RALGPS2: variants seen among roughly 807,000 people sequenced by gnomAD.
RALGPS2 encodes Ral GEF with PH domain and SH3 binding motif 2.
In RALGPS2, 43 loss-of-function variants were observed where a neutral mutation model predicts 86.8. The observed-to-expected ratio is 0.50, with a 90% CI of 0.39 to 0.64. The LOEUF (loss-of-function observed/expected upper bound fraction) is 0.64, where lower values mean the gene tolerates loss of function less well. Ranked by LOEUF, RALGPS2 falls within the 30% of genes least tolerant of loss-of-function variation. RALGPS2 has a pLI of 0.00. For missense variants in RALGPS2, 536 were observed against 694.6 expected, an observed-to-expected ratio of 0.77 and a Z score of 2.57; for synonymous variants, 243 against 231.3, an observed-to-expected ratio of 1.05 and a Z score of -0.46.
chr1:178,781,470 A>G (rs545861627), intron 2 of RALGPS2, among the ~76,000 whole-genome samples: 1 of 152,298 alleles, frequency 6.6e-6, no homozygotes, highest in East Asian at 1.9e-4. Flanking sequence ...TTTTTGAGTC[A>G]TGCCTTGAAT....
chr1:178,817,547 A>G (rs1655292454), intron 6 of RALGPS2, among the ~76,000 whole-genome samples: 1 of 152,024 alleles, frequency 6.6e-6, no homozygotes, highest in Admixed American at 6.6e-5. Context: ...AAGCCTTGCA[A>G]TCTGATAGTG....
At chr1:178,859,942 C>T (rs566785531) in intron 8 of RALGPS2, among the ~76,000 whole-genome samples, 2 of 151,690 alleles carry the variant, frequency 1.3e-5, no homozygotes, top group Admixed American at 1.3e-4. Flanking sequence ...TGGTCTCGAT[C>T]TCCTGACCTC....
intron 1 of RALGPS2, among the ~76,000 whole-genome samples, chr1:178,768,529 T>TA (rs1318729751): frequency 1.3e-5 from 2 of 152,218 alleles, no homozygotes; most frequent in Admixed American, 6.5e-5. Flanking sequence ...AGATGGCGCT[T>TA]ACGGGTAAGA....
intron 4 of RALGPS2, among the ~76,000 whole-genome samples, chr1:178,798,942 G>A (rs540937434): frequency 6.6e-6 from 1 of 152,302 alleles, no homozygotes; most frequent in Admixed American, 6.5e-5. Flanking sequence ...CAGGATAACA[G>A]GAGAAGCAGC....
At chr1:178,814,647 A>C (rs1223174350) in intron 6 of RALGPS2, among the ~76,000 whole-genome samples, 9 of 152,224 alleles carry the variant, frequency 5.9e-5, no homozygotes, top group African/African-American at 1.7e-4. Flanking sequence ...ACAAGGTCTC[A>C]TTATGTTGCC....
In RALGPS2 at chr1:178,919,458, G is replaced by C. The variant is rs1660913963; in HGVS notation, c.*3099G>C. 1 of 151,934 alleles carries C rather than the reference G, an allele frequency of 6.6e-6. No homozygotes were observed. The highest frequency in any genetic ancestry group is 1.5e-5 in the Non-Finnish European group (1 of 67,878). The allele number at this position is 151,934 out of a possible 1,614,324, so 9.4% of individuals were successfully genotyped here. On this transcript the variant is annotated 3_prime_UTR_variant, in exon 20 of 20. Transcript: ENST00000367635. ...TATAAGTGGCTTTATTCCTCTTCTAGAAGATTTATGAGGAGCCTAGGAAGC... is the reference window on the plus strand; with the variant it reads ...TATAAGTGGCTTTATTCCTCTTCTACAAGATTTATGAGGAGCCTAGGAAGC...
intron 8 of RALGPS2, among the ~76,000 whole-genome samples, chr1:178,861,175 T>C (rs1336298174): frequency 6.6e-6 from 1 of 152,252 alleles, no homozygotes; most frequent in East Asian, 1.9e-4. Flanking sequence ...TATATGTTCA[T>C]TAATGTACTA....
chr1:178,908,351 G>T (rs150514326), intron 19 of RALGPS2, among the ~76,000 whole-genome samples: 156 of 152,300 alleles, frequency 1.0e-3, no homozygotes, highest in African/African-American at 3.6e-3. Context: ...AGGCACGTAG[G>T]TTGATTCCAT....
At chr1:178,831,347 AC>A (rs1314384624) in intron 7 of RALGPS2, among the ~76,000 whole-genome samples, 4 of 152,206 alleles carry the variant, frequency 2.6e-5, no homozygotes, top group African/African-American at 9.6e-5. Context: ...ACACATTCAC[AC>A]ATATTGTGTG....
intron 8 of RALGPS2, among the ~76,000 whole-genome samples, chr1:178,844,745 T>G (rs957070417): frequency 2.6e-5 from 4 of 152,242 alleles, no homozygotes; most frequent in African/African-American, 7.2e-5. Flanking sequence ...ATGGTAAGTT[T>G]TATTTTGCTG....
intron 8 of RALGPS2, among the ~76,000 whole-genome samples, chr1:178,836,791 A>G (rs1404108396): frequency 2.0e-5 from 3 of 149,310 alleles, no homozygotes; most frequent in Admixed American, 6.7e-5. Context: ...TTTTATTTTT[A>G]TTTTTCAGAG....
intron 5 of RALGPS2, 113 bp from the exon 6 acceptor site, chr1:178,811,202 A>G (rs1293926967): frequency 7.6e-6 from 5 of 659,682 alleles, no homozygotes; most frequent in Non-Finnish European, 1.2e-5. Flanking sequence ...TAGCACCTTT[A>G]ACAATGTTTA....
intron 1 of RALGPS2, chr1:178,747,348 C>G (rs558895446): frequency 6.5e-7 from 1 of 1,537,770 alleles, no homozygotes; most frequent in South Asian, 1.1e-5. Flanking sequence ...CTGGTTTCAC[C>G]ACTATTGATA....
intron 1 of RALGPS2, among the ~76,000 whole-genome samples, chr1:178,728,099 A>C (rs751403801): frequency 4.6e-5 from 7 of 152,220 alleles, no homozygotes; most frequent in African/African-American, 1.4e-4. Flanking sequence ...GATGATGCGT[A>C]GTTTACATGT....
intron 6 of RALGPS2, 46 bp from the exon 7 acceptor site, chr1:178,821,566 G>A (rs927561886): frequency 2.8e-6 from 4 of 1,443,250 alleles, no homozygotes; most frequent in South Asian, 2.4e-5. Context: ...TTGTATTCAT[G>A]TTGTTCTTTT....
In RALGPS2 at chr1:178,753,992, C is replaced by T. The variant is rs1297993138; in HGVS notation, c.-83-22690C>T. ...GACTACAGGCGCCCGCCACCACGCCCGGCTAATTTTTAATAGAGACGGGGT... is the reference window on the plus strand; with the variant it reads ...GACTACAGGCGCCCGCCACCACGCCTGGCTAATTTTTAATAGAGACGGGGT... On this transcript the variant is annotated intron_variant, in intron 1 of 19. Transcript: ENST00000367635. Among the ~76,000 whole-genome samples, 11 of 151,966 alleles carry T rather than the reference C, an allele frequency of 7.2e-5. No individual in the cohort carries two copies. The East Asian group carries it at 1.2e-3, about 16-fold the overall frequency.
intron 1 of RALGPS2, among the ~76,000 whole-genome samples, chr1:178,755,146 A>AT (rs1013514204): frequency 4.0e-5 from 6 of 150,618 alleles, no homozygotes; most frequent in African/African-American, 9.8e-5. Context: ...TTTTCTTTTT[A>AT]TTTTTTTCCA....
intron 4 of RALGPS2, among the ~76,000 whole-genome samples, chr1:178,792,363 C>G (rs1653994964): frequency 6.6e-6 from 1 of 152,186 alleles, no homozygotes; most frequent in Admixed American, 6.5e-5. Flanking sequence ...CTTTCCACTT[C>G]TTTCTCTGTC....
At chr1:178,760,984 T>A (rs962364515) in intron 1 of RALGPS2, among the ~76,000 whole-genome samples, 51 of 151,142 alleles carry the variant, frequency 3.4e-4, no homozygotes, top group African/African-American at 2.4e-4. Flanking sequence ...TTATTCTTTT[T>A]TTTTTTTTTT....
Sources: allele counts gnomAD v4.1 joint callset (sites outside exome capture counted in the v4.1 genomes callset), GRCh38; gene constraint gnomAD v4.1.1; transcripts MANE v1.5; gene names NCBI Gene and HGNC (gene_info 2026-07-23, HGNC 2026-07-21).